FRMPD4: variants seen among roughly 807,000 people sequenced by gnomAD.
FRMPD4 encodes the protein FERM and PDZ domain containing 4, also known as FERM and PDZ domain-containing protein 4.
A neutral mutation model predicts 94.1 loss-of-function variants in FRMPD4; 22 were observed. That is an observed-to-expected ratio of 0.23 (90% CI 0.17 to 0.33). FRMPD4 has a LOEUF of 0.33. Among genes scored for constraint, FRMPD4 ranks in the 10% least tolerant of loss-of-function variants. The pLI, the probability that FRMPD4 is intolerant of heterozygous loss-of-function variation, is 1.00. For missense variants in FRMPD4, 1,111 were observed against 1,339.9 expected, an observed-to-expected ratio of 0.83 and a Z score of 2.67; for synonymous variants, 631 against 548.6, an observed-to-expected ratio of 1.15 and a Z score of -2.10.
chrX:12,003,229 C>T (rs1338632628), intron 3 of FRMPD4, among the ~76,000 whole-genome samples: 2 of 111,733 alleles, frequency 1.8e-5, no homozygotes, highest in Non-Finnish European at 3.8e-5. Flanking sequence ...GTTAGCTCTG[C>T]AAGTTGCTTT....
intron 1 of FRMPD4, among the ~76,000 whole-genome samples, chrX:12,296,084 C>T (rs1028171337): frequency 3.6e-5 from 4 of 110,429 alleles, no homozygotes; most frequent in South Asian, 4.0e-4. Flanking sequence ...AGTGTGCCCC[C>T]GCTTCCAGTC....
chrX:12,661,718 A>G (rs1427634711), intron 4 of FRMPD4, among the ~76,000 whole-genome samples: 1 of 111,963 alleles, frequency 8.9e-6, no homozygotes, highest in Non-Finnish European at 1.9e-5. Flanking sequence ...ATGCTTGGTC[A>G]TTTGCTGGAC....
intron 2 of FRMPD4, among the ~76,000 whole-genome samples, chrX:12,507,591 CAT>C (rs770552263): frequency 4.5e-5 from 5 of 111,866 alleles, no homozygotes; most frequent in African/African-American, 1.6e-4. Flanking sequence ...GGAGCTGACA[CAT>C]GTTTTATGTT....
intron 3 of FRMPD4, among the ~76,000 whole-genome samples, chrX:11,995,717 G>C (rs927782396): frequency 9.0e-6 from 1 of 111,593 alleles, no homozygotes; most frequent in Non-Finnish European, 1.9e-5. Flanking sequence ...TCATTCAAAG[G>C]CTTTGGCCAA....
chrX:12,105,716 T>G (rs1333804533), intron 3 of FRMPD4, among the ~76,000 whole-genome samples: 1 of 112,313 alleles, frequency 8.9e-6, no homozygotes, highest in Non-Finnish European at 1.9e-5. Context: ...AGGGCAACAG[T>G]GTAAAGCCAG....
chrX:12,077,579 T>G (rs2055029963), intron 3 of FRMPD4, among the ~76,000 whole-genome samples: 2 of 111,842 alleles, frequency 1.8e-5, no homozygotes, highest in Admixed American at 1.9e-4. Flanking sequence ...TTTCACCCAC[T>G]TAGGGCTGAC....
intron 3 of FRMPD4, among the ~76,000 whole-genome samples, chrX:11,930,024 C>T (rs1318278396): frequency 2.1e-5 from 2 of 94,731 alleles, no homozygotes; most frequent in Non-Finnish European, 4.1e-5. Context: ...AGGAGAATGG[C>T]GTGAACCTGG....
intron 1 of FRMPD4, among the ~76,000 whole-genome samples, chrX:12,250,649 G>A (rs1195160599): frequency 1.8e-5 from 2 of 111,819 alleles, no homozygotes; most frequent in Non-Finnish European, 3.8e-5. Flanking sequence ...CTTTATCTCC[G>A]TCAAATTGGC....
chrX:12,553,169 T>TAAGAAAGAAAGAAAGA (rs34630273), intron 2 of FRMPD4, among the ~76,000 whole-genome samples: 1 of 99,800 alleles, frequency 1.0e-5, no homozygotes, highest in African/African-American at 3.7e-5. Context: ...GTAAGTAAAG[T>TAAGAAAGAAAGAAAGA]AAGAAAGAAA....
At chrX:12,485,292 T>C (rs866724050) in intron 1 of FRMPD4, among the ~76,000 whole-genome samples, 3 of 112,723 alleles carry the variant, frequency 2.7e-5, no homozygotes, top group African/African-American at 9.7e-5. Flanking sequence ...ATAATAGTTT[T>C]CTGTCATCAA....
intron 3 of FRMPD4, among the ~76,000 whole-genome samples, chrX:11,923,954 G>T (rs1397885657): frequency 1.8e-5 from 2 of 111,873 alleles, no homozygotes; most frequent in African/African-American, 6.5e-5. Context: ...TGAAATGACA[G>T]AATTCAGAAT....
intron 1 of FRMPD4, among the ~76,000 whole-genome samples, chrX:12,203,444 C>A (rs192508961): frequency 8.9e-6 from 1 of 111,805 alleles, no homozygotes; most frequent in Non-Finnish European, 1.9e-5. Flanking sequence ...AATGCCCAAA[C>A]GTCCGACTCC....
Position 12,149,510 on chromosome X carries a change from G to T in FRMPD4, c.41+10498G>T, listed in dbSNP as rs757179737. The stretch of plus-strand genomic sequence containing the variant: ...GGAAATAGCAAGAGAGCTAGACTTA[G>T]TGGAGCCTTAAGATGGGACTGAATT... On this transcript the variant is annotated intron_variant, in intron 1 of 16. Transcript: ENST00000675598. Among the ~76,000 whole-genome samples the T allele has an allele frequency of 9.8e-5, 11 of 112,196 alleles. No homozygotes were observed. In the South Asian group the frequency reaches 4.1e-3, roughly 42 times the overall value.
intron 5 of FRMPD4, among the ~76,000 whole-genome samples, chrX:12,680,664 G>C (rs746552290): frequency 3.6e-5 from 4 of 112,077 alleles, no homozygotes; most frequent in Non-Finnish European, 7.5e-5. Context: ...ACTTCAAATT[G>C]TGTATAAAAT....
chrX:11,955,219 A>G (rs1387228581), intron 3 of FRMPD4, among the ~76,000 whole-genome samples: 1 of 110,573 alleles, frequency 9.0e-6, no homozygotes, highest in Non-Finnish European at 1.9e-5. Context: ...CAAAATCCTC[A>G]CCTCCTAATA....
At chrX:12,553,460 A>ATATG (rs1555983266) in intron 2 of FRMPD4, among the ~76,000 whole-genome samples, 1,607 of 81,404 alleles carry the variant, frequency 0.02, 47 homozygotes, top group African/African-American at 0.04. Flanking sequence ...ATATATATAT[A>ATATG]TATATATCTA....
At chrX:12,094,666 T>C (rs967730593) in intron 3 of FRMPD4, among the ~76,000 whole-genome samples, 1 of 112,414 alleles carries the variant, frequency 8.9e-6, no homozygotes, top group Non-Finnish European at 1.9e-5. Context: ...ACTTATACTC[T>C]TGTGAGTGTG....
At chrX:11,901,115 T>G (rs189271499) in intron 3 of FRMPD4, among the ~76,000 whole-genome samples, 32 of 112,104 alleles carry the variant, frequency 2.9e-4, no homozygotes, top group Admixed American at 1.0e-3. Context: ...TTGATTTATT[T>G]CAATAGTTTT....
intron 1 of FRMPD4, among the ~76,000 whole-genome samples, chrX:12,204,521 C>T (rs956637146): frequency 1.8e-5 from 2 of 111,334 alleles, no homozygotes; most frequent in Admixed American, 9.6e-5. Context: ...AAGGTGCGGG[C>T]GCTGCATGCC....
Sources: allele counts gnomAD v4.1 joint callset (sites outside exome capture counted in the v4.1 genomes callset), GRCh38; gene constraint gnomAD v4.1.1; transcripts MANE v1.5; gene names NCBI Gene and HGNC (gene_info 2026-07-23, HGNC 2026-07-21).